SLC9B1: variants seen among roughly 807,000 people sequenced by gnomAD.
SLC9B1 encodes solute carrier family 9 member B1.
SLC9B1 carries 32 observed loss-of-function variants against 51.7 expected under a neutral mutation model. The ratio of observed to expected loss-of-function variants is 0.62; its 90% CI spans 0.47 to 0.83. The LOEUF (loss-of-function observed/expected upper bound fraction) is 0.83. Ranked by LOEUF, SLC9B1 falls within the 40% of genes least tolerant of loss-of-function variation. The pLI, the probability that SLC9B1 is intolerant of heterozygous loss-of-function variation, is 0.00. For missense variants in SLC9B1, 406 were observed against 613.2 expected (o/e 0.66, Z 3.57); for synonymous variants, 145 against 212.7 (o/e 0.68, Z 2.77).
chr4:102,977,297 TAAAAAAAAAA>T (rs3974480), intron 3 of SLC9B1, among the ~76,000 whole-genome samples: 1 of 129,324 alleles, frequency 7.7e-6, no homozygotes, highest in African/African-American at 2.7e-5. Flanking sequence ...TATTATAACT[TAAAAAAAAAA>T]AAAAAAAAAC....
chr4:102,901,706 C>A (rs1351860700), intron 11 of SLC9B1, among the ~76,000 whole-genome samples: 1 of 152,158 alleles, frequency 6.6e-6, no homozygotes, highest in African/African-American at 2.4e-5. Context: ...TACAACAAGA[C>A]AACATAAAAT....
At position 102,892,339 on chromosome 4, in the gene SLC9B1, C is replaced by G. The variant is rs182994503; in HGVS notation, c.1333-7011G>C. 353 of 152,368 alleles carry G rather than the reference C, an allele frequency of 2.3e-3. 2 individuals carry two copies. The highest frequency in any genetic ancestry group is 8.0e-3 in the African/African-American group (331 of 41,596). 9.4% of individuals were successfully genotyped at this position (152,368 alleles called of 1,614,324 possible). A position where few individuals can be genotyped will look rare whatever the true frequency, so the allele number is the denominator to read the frequency against. ...ACTCCCAAAGTGCTGGGATTGCAGGCATGAGCAACCATGCCTGGTGTTTTA... is the reference window on the plus strand; with the variant it reads ...ACTCCCAAAGTGCTGGGATTGCAGGGATGAGCAACCATGCCTGGTGTTTTA... On this transcript the variant is annotated intron_variant, in intron 11 of 11. Coordinates refer to the SLC9B1 transcript ENST00000394789.
chr4:102,976,258 G>A (rs1423455490), intron 3 of SLC9B1, among the ~76,000 whole-genome samples: 1 of 152,092 alleles, frequency 6.6e-6, no homozygotes, highest in Non-Finnish European at 1.5e-5. Flanking sequence ...CAGAGATGAA[G>A]GATAACATTT....
At chr4:103,011,592 C>T (rs112998683) in intron 1 of SLC9B1, among the ~76,000 whole-genome samples, 3 of 152,318 alleles carry the variant, frequency 2.0e-5, no homozygotes, top group African/African-American at 7.2e-5. Flanking sequence ...ACACCTCTGG[C>T]AGTTCTGTGC....
intron 7 of SLC9B1, among the ~76,000 whole-genome samples, 156 bp from the exon 8 acceptor site, chr4:102,911,693 A>G (rs1292664592): frequency 6.6e-6 from 1 of 152,208 alleles, no homozygotes; most frequent in Non-Finnish European, 1.5e-5. Flanking sequence ...ATATGAAAAC[A>G]TGTAGATCTA....
intron 1 of SLC9B1, among the ~76,000 whole-genome samples, chr4:103,007,433 A>G (rs1270601852): frequency 1.3e-5 from 2 of 152,276 alleles, no homozygotes; most frequent in Admixed American, 1.3e-4. Context: ...GATCTCTACA[A>G]TGAGAATTAC....
At chr4:103,018,395 A>C (rs1312656213) in intron 1 of SLC9B1, among the ~76,000 whole-genome samples, 1 of 152,216 alleles carries the variant, frequency 6.6e-6, no homozygotes, top group Admixed American at 6.5e-5. Flanking sequence ...AATTTTAAAA[A>C]GTAAGTTAAA....
intron 11 of SLC9B1, among the ~76,000 whole-genome samples, chr4:102,886,033 C>T (rs1388367005): frequency 6.6e-6 from 1 of 152,102 alleles, no homozygotes; most frequent in Non-Finnish European, 1.5e-5. Flanking sequence ...GTTTTTAATA[C>T]AGTATTGCTC....
chr4:102,939,406 CAAAAAAAAAAA>C (rs56014819), intron 6 of SLC9B1, among the ~76,000 whole-genome samples: 4 of 68,256 alleles, frequency 5.9e-5, no homozygotes, highest in Admixed American at 5.0e-4. Flanking sequence ...GTCTCTGAGC[CAAAAAAAAAAA>C]AAAAAAAAAA....
chr4:102,976,972 A>G (rs1197732278), intron 3 of SLC9B1, among the ~76,000 whole-genome samples: 1 of 152,178 alleles, frequency 6.6e-6, no homozygotes, highest in Non-Finnish European at 1.5e-5. Flanking sequence ...AACTCAGGGC[A>G]ATGCTGTCTC....
chr4:102,898,707 A>C (rs1285812580), downstream of SLC9B1, among the ~76,000 whole-genome samples: 1 of 152,206 alleles, frequency 6.6e-6, no homozygotes, highest in African/African-American at 2.4e-5. Context: ...AGTTGATAAG[A>C]AACAACAATC....
At chr4:102,985,283 AC>A (rs1195638151) in intron 3 of SLC9B1, among the ~76,000 whole-genome samples, 3 of 152,164 alleles carry the variant, frequency 2.0e-5, no homozygotes, top group Non-Finnish European at 4.4e-5. Context: ...GTGTATTTAG[AC>A]CATTGACATT....
At position 102,901,289 on chromosome 4, in the gene SLC9B1, G is replaced by A; in HGVS notation, c.1376C>T (p.Ala459Val). Residue 459 changes from alanine (A) to valine (V), a missense_variant, in exon 12 of 12, where the codon GCA becomes GTA. By Grantham distance (64) the Ala-to-Val change is moderately conservative. Around this residue, in one of 6 missense-constraint regions of SLC9B1, gnomAD observed 24 missense variants for 30.7 expected, o/e 0.78. Transcript: ENST00000296422. ...PLALETARVS[A>V]PHLEPYAKDV... ...CTTCGCATATGGTTCCAAGTGGGGT[G>A]CGGAGACTCTTGCTGTTTCTAGAGC... 6 of 1,612,064 alleles carry A rather than the reference G, an allele frequency of 3.7e-6. No individual in the cohort carries two copies. The highest frequency in any genetic ancestry group is 5.1e-6 in the Non-Finnish European group (6 of 1,179,824).
At chr4:102,903,013 T>C (rs903077586) in intron 11 of SLC9B1, among the ~76,000 whole-genome samples, 1 of 152,214 alleles carries the variant, frequency 6.6e-6, no homozygotes, top group Non-Finnish European at 1.5e-5. Flanking sequence ...TTATCTATTA[T>C]TGCTGTTGTG....
chr4:102,943,849 T>C (rs887751213), intron 6 of SLC9B1, among the ~76,000 whole-genome samples: 1 of 151,978 alleles, frequency 6.6e-6, no homozygotes, highest in African/African-American at 2.4e-5. Context: ...CTAAAAATAT[T>C]TTCCATGTAA....
chr4:102,927,518 C>T (rs192340136), intron 7 of SLC9B1, among the ~76,000 whole-genome samples: 1 of 152,258 alleles, frequency 6.6e-6, no homozygotes, highest in Non-Finnish European at 1.5e-5. Flanking sequence ...ATCAAAACCA[C>T]AATGAGATAT....
At chr4:102,978,640 T>C (rs953317709) in intron 3 of SLC9B1, among the ~76,000 whole-genome samples, 4 of 152,090 alleles carry the variant, frequency 2.6e-5, no homozygotes, top group South Asian at 4.1e-4. Flanking sequence ...GTTAGAATGG[T>C]GATCATTAAA....
chr4:102,963,559 CT>C (rs1738255772), intron 3 of SLC9B1, among the ~76,000 whole-genome samples: 1 of 152,328 alleles, frequency 6.6e-6, no homozygotes, highest in South Asian at 2.1e-4. Context: ...TTTCTTCATG[CT>C]TCCCCAGTTT....
rs1320665198 is a variant in SLC9B1, at chr4:102,901,042, T to C, written c.*75A>G. 2.1e-5 allele frequency: 34 copies of C among 1,595,720 alleles called. No homozygotes were observed. Among genetic ancestry groups the C allele is most frequent in the Non-Finnish European group, 2.7e-5 (32 of 1,174,066 alleles). On this transcript the variant is annotated 3_prime_UTR_variant, in exon 12 of 12. Coordinates refer to ENST00000296422, the MANE Select transcript of SLC9B1 (RefSeq NM_139173.4). Reference sequence around the variant, plus strand: ...GGATTCTCTGTACAGTCCCCACATATTTCTACTTTAAAATTCTTCTGTCAT... The same window carrying C: ...GGATTCTCTGTACAGTCCCCACATACTTCTACTTTAAAATTCTTCTGTCAT...
Sources: allele counts gnomAD v4.1 joint callset (sites outside exome capture counted in the v4.1 genomes callset), GRCh38; gene constraint gnomAD v4.1.1; regional missense constraint gnomAD v4.1.1; transcripts MANE v1.5; gene names NCBI Gene and HGNC (gene_info 2026-07-23, HGNC 2026-07-21).